The following CTDSPL variants were observed in gnomAD, a reference collection of about 807,000 sequenced individuals.
CTDSPL encodes the protein CTD small phosphatase-like protein.
In CTDSPL, 8 loss-of-function variants were observed where a neutral mutation model predicts 30.5. The observed-to-expected ratio is 0.26, with a 90% CI of 0.15 to 0.47. The LOEUF (loss-of-function observed/expected upper bound fraction) is 0.47. Ranked by LOEUF, CTDSPL falls within the 20% of genes least tolerant of loss-of-function variation. The pLI is 0.99. For missense variants in CTDSPL, 248 were observed against 366.1 expected, an observed-to-expected ratio of 0.68 and a Z score of 2.63; for synonymous variants, 110 against 137.9, an observed-to-expected ratio of 0.80 and a Z score of 1.42.
At chr3:37,907,257 AT>A (rs1166512758) in intron 1 of CTDSPL, among the ~76,000 whole-genome samples, 1 of 152,218 alleles carries the variant, frequency 6.6e-6, no homozygotes, top group African/African-American at 2.4e-5. Flanking sequence ...TTAGGTGGCC[AT>A]TTATGGCCTT....
chr3:37,963,494 CAG>C (rs1699265462), intron 3 of CTDSPL, among the ~76,000 whole-genome samples: 1 of 152,142 alleles, frequency 6.6e-6, no homozygotes, highest in African/African-American at 2.4e-5. Flanking sequence ...GTCCATTCTT[CAG>C]GGGCTCAGAA....
chr3:37,888,068 G>T (rs979285194), intron 1 of CTDSPL, among the ~76,000 whole-genome samples: 39 of 152,198 alleles, frequency 2.6e-4, no homozygotes, highest in Non-Finnish European at 2.9e-5. Flanking sequence ...AGTGAAGGCT[G>T]TGCGAGATGA....
At chr3:37,956,867 A>G (rs1376263548) in intron 2 of CTDSPL, among the ~76,000 whole-genome samples, 1 of 152,228 alleles carries the variant, frequency 6.6e-6, no homozygotes, top group Middle Eastern at 3.2e-3. Flanking sequence ...TAAATACACA[A>G]AATGGTTTGT....
chr3:37,896,377 G>A (rs1281817048), intron 1 of CTDSPL, among the ~76,000 whole-genome samples: 1 of 152,294 alleles, frequency 6.6e-6, no homozygotes, highest in African/African-American at 2.4e-5. Flanking sequence ...TATCCAAGGT[G>A]CAGGAGTCTG....
intron 2 of CTDSPL, among the ~76,000 whole-genome samples, chr3:37,951,528 A>T (rs1351978657): frequency 3.3e-5 from 5 of 152,022 alleles, no homozygotes; most frequent in Non-Finnish European, 7.4e-5. Context: ...AATAAAAATA[A>T]AAAATCAGCT....
chr3:37,923,069 C>A (rs1698736463), intron 1 of CTDSPL, among the ~76,000 whole-genome samples: 1 of 152,158 alleles, frequency 6.6e-6, no homozygotes. Flanking sequence ...AGGAAGGGGG[C>A]CTAACCACAT....
At chr3:37,930,703 ATTCTACTGCTGTTGGAT>A (rs1431715743) in intron 1 of CTDSPL, among the ~76,000 whole-genome samples, 3 of 152,302 alleles carry the variant, frequency 2.0e-5, no homozygotes, top group African/African-American at 7.2e-5. Flanking sequence ...AAGAATGCAT[ATTCTACTGCTGTTGGAT>A]GGAATATTCT....
At chr3:37,938,277 TCAGAGGTTTGGGTCCTGAAGC>T (rs1277370369) in intron 1 of CTDSPL, among the ~76,000 whole-genome samples, 2 of 150,056 alleles carry the variant, frequency 1.3e-5, no homozygotes, top group East Asian at 3.9e-4. Context: ...GGTGCAGACC[TCAGAGGTTTGGGTCCTGAAGC>T]CAGGGGTTAA....
intron 1 of CTDSPL, among the ~76,000 whole-genome samples, chr3:37,881,101 G>C (rs973032410): frequency 1.3e-5 from 2 of 151,776 alleles, no homozygotes; most frequent in African/African-American, 4.8e-5. Flanking sequence ...AGCTTCATAA[G>C]ATGCTTGCTT....
chr3:37,931,113 C>CT (rs1237315278), intron 1 of CTDSPL, among the ~76,000 whole-genome samples: 1 of 149,516 alleles, frequency 6.7e-6, no homozygotes, highest in East Asian at 1.9e-4. Context: ...TTGGGTCTTG[C>CT]TTTTCTCCCC....
chr3:37,900,019 G>A (rs1698431372), intron 1 of CTDSPL, among the ~76,000 whole-genome samples: 3 of 152,210 alleles, frequency 2.0e-5, no homozygotes, highest in African/African-American at 7.2e-5. Flanking sequence ...AGAAGACTGA[G>A]ACTCTGAGAG....
At chr3:37,920,013 A>C (rs193144811) in intron 1 of CTDSPL, among the ~76,000 whole-genome samples, 122 of 152,118 alleles carry the variant, frequency 8.0e-4, no homozygotes, top group Non-Finnish European at 5.0e-4. Context: ...GCTATAAAAA[A>C]CCACCACAAA....
intron 1 of CTDSPL, among the ~76,000 whole-genome samples, chr3:37,925,948 A>G (rs1330245162): frequency 6.6e-6 from 1 of 152,016 alleles, no homozygotes; most frequent in Non-Finnish European, 1.5e-5. Context: ...ATGTTTATTT[A>G]TTGTGTCTCT....
chr3:37,914,309 C>T (rs1224272864), intron 1 of CTDSPL, among the ~76,000 whole-genome samples: 1 of 152,168 alleles, frequency 6.6e-6, no homozygotes, highest in Non-Finnish European at 1.5e-5. Flanking sequence ...GGATTTTCTA[C>T]ACATACCATT....
At position 37,975,649 on chromosome 3, in the gene CTDSPL, G is replaced by A. The variant is rs192325049; in HGVS notation, c.520-60G>A. 6 of 1,449,948 alleles carry A rather than the reference G, an allele frequency of 4.1e-6. No homozygotes were observed. In the African/African-American group the frequency reaches 8.5e-5, roughly 21 times the overall value. The allele number at this position is 1,449,948 out of a possible 1,614,324, so 89.8% of individuals were successfully genotyped here. A position where few individuals can be genotyped will look rare whatever the true frequency, so the allele number is the denominator to read the frequency against. ...ACGTAATCTGGATCTTGCTGCTGTA[G>A]TTCAGGGTTTGGGGGGCTCTTTTAA... On this transcript the variant is annotated intron_variant, in intron 6 of 7. Coordinates refer to ENST00000273179, the MANE Select transcript of CTDSPL (RefSeq NM_001008392.2). The surrounding 1 kb of genome is among the most constrained non-coding windows in gnomAD (Gnocchi z 4.9).
At chr3:37,867,008 A>G (rs1485387760) in intron 1 of CTDSPL, among the ~76,000 whole-genome samples, 2 of 152,210 alleles carry the variant, frequency 1.3e-5, no homozygotes, top group African/African-American at 4.8e-5. Context: ...AAAACTGTAT[A>G]GTATCACATC....
intron 1 of CTDSPL, among the ~76,000 whole-genome samples, chr3:37,939,408 AC>A (rs1202633059): frequency 2.7e-5 from 4 of 150,412 alleles, no homozygotes; most frequent in African/African-American, 9.7e-5. Flanking sequence ...TTTCCATGTA[AC>A]TTATATTTAA....
At chr3:37,969,174 C>T (rs991612496) in intron 5 of CTDSPL, among the ~76,000 whole-genome samples, 1 of 152,264 alleles carries the variant, frequency 6.6e-6, no homozygotes, top group Non-Finnish European at 1.5e-5. Flanking sequence ...AAAGGAGAGG[C>T]TGCCCAATGG....
At chr3:37,974,184 C>T (rs1575325268) in intron 6 of CTDSPL, among the ~76,000 whole-genome samples, 1 of 152,344 alleles carries the variant, frequency 6.6e-6, no homozygotes, top group East Asian at 1.9e-4. Flanking sequence ...CTACAACCCA[C>T]CCACGTGGCC....
Sources: allele counts gnomAD v4.1 joint callset (sites outside exome capture counted in the v4.1 genomes callset), GRCh38; gene constraint gnomAD v4.1.1; non-coding constraint Gnocchi (gnomAD v3.1); transcripts MANE v1.5; gene names NCBI Gene and HGNC (gene_info 2026-07-23, HGNC 2026-07-21).